The following FGF12 variants were observed in gnomAD, a reference collection of about 807,000 sequenced individuals.
The protein encoded by FGF12 is fibroblast growth factor 12B.
A neutral mutation model predicts 23.6 loss-of-function variants in FGF12; 14 were observed. That is an observed-to-expected ratio of 0.59 (90% CI 0.39 to 0.93). FGF12 has a LOEUF of 0.93. Ranked by LOEUF, FGF12 falls within the 40% of genes least tolerant of loss-of-function variation. The pLI is 0.00. For synonymous variants in FGF12, 62 were observed against 77.3 expected, an observed-to-expected ratio of 0.80 and a Z score of 1.04; for missense variants, 175 against 217.8, an observed-to-expected ratio of 0.80 and a Z score of 1.24.
intron 2 of FGF12, among the ~76,000 whole-genome samples, chr3:192,640,705 C>T (rs1413431919): frequency 6.6e-6 from 1 of 152,122 alleles, no homozygotes; most frequent in African/African-American, 2.4e-5. Flanking sequence ...ATACAATTTG[C>T]TCTAAATTAG....
chr3:192,303,816 C>T lies in FGF12; in HGVS notation c.228+31545G>A, dbSNP rs1028910383. Among the ~76,000 whole-genome samples, 9 of 152,342 alleles carry T rather than the reference C, an allele frequency of 5.9e-5. 2 individuals are homozygous for T. Among genetic ancestry groups the T allele is most frequent in the African/African-American group, 2.4e-5 (1 of 41,580 alleles). On this transcript the variant is annotated intron_variant, in intron 4 of 5. Transcript: ENST00000445105. ...ACATTGCCTGGCCTAACATATCTCA[C>T]AGCAGTGTTGTGCTAATCACAAAAT...
Position 192,562,005 on chromosome 3 carries a change from G to A in FGF12, c.13+165176C>T, listed in dbSNP as rs183345045. Among the ~76,000 whole-genome samples, 265 of 151,828 alleles carry A rather than the reference G, an allele frequency of 1.7e-3. 2 individuals carry two copies. Among genetic ancestry groups the A allele is most frequent in the Middle Eastern group, 0.01 (3 of 294 alleles). ...GTAAAAAACTGAAAATAATTCAAAT[G>A]TCTACCAAAATAAAAACAAATAAAT... On this transcript the variant is annotated intron_variant, in intron 2 of 5. Coordinates refer to ENST00000445105, the MANE Select transcript of FGF12 (RefSeq NM_004113.6).
intron 4 of FGF12, among the ~76,000 whole-genome samples, chr3:192,275,968 C>G (rs971979374): frequency 1.3e-5 from 2 of 152,298 alleles, no homozygotes; most frequent in East Asian, 3.9e-4. Context: ...AATTATATTA[C>G]CAACAGCATC....
At chr3:192,518,817 CA>C (rs1724743822) in intron 2 of FGF12, among the ~76,000 whole-genome samples, 1 of 152,120 alleles carries the variant, frequency 6.6e-6, no homozygotes, top group African/African-American at 2.4e-5. Flanking sequence ...TTTAAAAAAG[CA>C]AACATGTTAT....
chr3:192,707,952 T>C (rs1718530095), intron 2 of FGF12, among the ~76,000 whole-genome samples: 1 of 151,146 alleles, frequency 6.6e-6, no homozygotes, highest in Admixed American at 6.7e-5. Context: ...CCATTATTAT[T>C]ATTATTTATT....
chr3:192,195,299 G>A (rs71312485), intron 4 of FGF12, among the ~76,000 whole-genome samples: 13,669 of 152,180 alleles, frequency 0.09, 642 homozygotes, highest in East Asian at 0.13. Flanking sequence ...TTTGTTACAC[G>A]TTTATAATGA....
chr3:192,683,321 A>G (rs1174546118), intron 2 of FGF12, among the ~76,000 whole-genome samples: 1 of 152,194 alleles, frequency 6.6e-6, no homozygotes, highest in Non-Finnish European at 1.5e-5. Context: ...TACGTACAAT[A>G]TACCTACTAG....
chr3:192,233,392 T>C (rs1719125360), intron 4 of FGF12, among the ~76,000 whole-genome samples: 1 of 152,178 alleles, frequency 6.6e-6, no homozygotes, highest in African/African-American at 2.4e-5. Context: ...TATTTTTTAA[T>C]GGGGTTGTTT....
At chr3:192,581,812 C>A (rs1713168180) in intron 2 of FGF12, among the ~76,000 whole-genome samples, 1 of 152,066 alleles carries the variant, frequency 6.6e-6, no homozygotes, top group Non-Finnish European at 1.5e-5. Flanking sequence ...ATGGTGAATT[C>A]TTAATTACTC....
intron 4 of FGF12, among the ~76,000 whole-genome samples, chr3:192,256,280 T>C (rs1472439712): frequency 6.6e-6 from 1 of 151,982 alleles, no homozygotes; most frequent in Non-Finnish European, 1.5e-5. Flanking sequence ...CAAGTATACA[T>C]TGTTCCTTTT....
At chr3:192,242,786 A>C (rs1719689461) in intron 4 of FGF12, among the ~76,000 whole-genome samples, 2 of 152,116 alleles carry the variant, frequency 1.3e-5, no homozygotes, top group African/African-American at 4.8e-5. Context: ...TAATTTAGTA[A>C]AAGAAAATAA....
In FGF12 at chr3:192,277,940, T is replaced by G. The variant is rs373487795; in HGVS notation, c.228+57421A>C. ...ACCATGCCCAGCTAATTTTTGTATT[T>G]TTAGTAGAGACGGGGTTTCGCCATG... On this transcript the variant is annotated intron_variant, in intron 4 of 5. Transcript: ENST00000445105. Among the ~76,000 whole-genome samples the G allele has an allele frequency of 5.3e-5, 8 of 152,258 alleles. No individual in the cohort carries two copies. In the East Asian group the frequency reaches 1.5e-3, roughly 29 times the overall value.
chr3:192,567,478 A>G (rs1019769838), intron 2 of FGF12, among the ~76,000 whole-genome samples: 1 of 152,206 alleles, frequency 6.6e-6, no homozygotes, highest in African/African-American at 2.4e-5. Flanking sequence ...GGGGAAAAGC[A>G]TGTATCCTCC....
At chr3:192,181,353 G>GCACACACACAGACA (rs553468936) in intron 4 of FGF12, among the ~76,000 whole-genome samples, 4 of 146,904 alleles carry the variant, frequency 2.7e-5, no homozygotes, top group South Asian at 2.1e-4. Context: ...AGACCTACAC[G>GCACACACACAGACA]CACACACACA....
At chr3:192,424,058 C>T (rs1289393323) in intron 2 of FGF12, among the ~76,000 whole-genome samples, 1 of 150,552 alleles carries the variant, frequency 6.6e-6, no homozygotes, top group Admixed American at 6.7e-5. Context: ...ATTTGTTTCA[C>T]GTCAGATCAA....
chr3:192,208,540 T>C (rs1343036577), intron 4 of FGF12, among the ~76,000 whole-genome samples: 4 of 152,222 alleles, frequency 2.6e-5, no homozygotes, highest in Non-Finnish European at 5.9e-5. Flanking sequence ...ATTTTATATA[T>C]ATACACCAAA....
chr3:192,487,507 C>T (rs560434348), intron 2 of FGF12, among the ~76,000 whole-genome samples: 37 of 152,056 alleles, frequency 2.4e-4, no homozygotes, highest in Non-Finnish European at 4.7e-4. Context: ...CTCGCCTGTT[C>T]GATCATGCTT....
At chr3:192,305,808 A>G (rs935587093) in intron 4 of FGF12, among the ~76,000 whole-genome samples, 9 of 126,470 alleles carry the variant, frequency 7.1e-5, no homozygotes, top group Admixed American at 5.0e-4. Context: ...GAAACTTTCT[A>G]TTTTTCTAAG....
chr3:192,430,581 GC>G (rs1721833375), intron 2 of FGF12, among the ~76,000 whole-genome samples: 2 of 152,146 alleles, frequency 1.3e-5, no homozygotes, highest in Non-Finnish European at 2.9e-5. Flanking sequence ...CCTCACCCCT[GC>G]CATTTAGGTT....
Sources: gnomAD v4.1 joint callset for allele counts (sites outside exome capture counted in the v4.1 genomes callset) on GRCh38, gnomAD v4.1.1 for gene constraint, MANE v1.5 for transcripts, NCBI Gene and HGNC (gene_info 2026-07-23, HGNC 2026-07-21) for gene names.